The following DNAH9 variants were observed in gnomAD, a reference collection of about 807,000 sequenced individuals.
DNAH9 encodes the protein dynein axonemal heavy chain 9, also known as DNAH9 variant protein.
In DNAH9, 345 loss-of-function variants were observed where a neutral mutation model predicts 471.6. The ratio of observed to expected loss-of-function variants is 0.73; its 90% confidence interval spans 0.67 to 0.80. The LOEUF (loss-of-function observed/expected upper bound fraction) is 0.80, where lower values mean the gene tolerates loss of function less well. Ranked by LOEUF, DNAH9 falls within the 30% of genes least tolerant of loss-of-function variation. The pLI is 0.00. For synonymous variants in DNAH9, 2,093 were observed against 2,123.6 expected (o/e 0.99, Z 0.40); for missense variants, 5,407 against 5,609.2 (o/e 0.96, Z 1.15).
At chr17:11,944,592 G>A (rs1975049665) in intron 67 of DNAH9, among the ~76,000 whole-genome samples, 1 of 152,144 alleles carries the variant, frequency 6.6e-6, no homozygotes, top group South Asian at 2.1e-4. Flanking sequence ...AAAAGTAGCT[G>A]GGACCTTTGT....
At chr17:11,776,528 T>A (rs1002017689) in intron 38 of DNAH9, among the ~76,000 whole-genome samples, 1 of 152,144 alleles carries the variant, frequency 6.6e-6, no homozygotes, top group South Asian at 2.1e-4. Context: ...CCAGCACAGA[T>A]CTGATGATAG....
At chr17:11,870,313 A>G (rs1457343471) in intron 51 of DNAH9, among the ~76,000 whole-genome samples, 2 of 152,218 alleles carry the variant, frequency 1.3e-5, no homozygotes, top group Non-Finnish European at 2.9e-5. Flanking sequence ...CTCATCCCAT[A>G]TATCAGCTAA....
At position 11,744,880 on chromosome 17, in the gene DNAH9, T is replaced by G. The variant is rs1255084582; in HGVS notation, c.6195T>G (p.Pro2065=). The part of the protein sequence containing the change: ...GSLKRGDPDR[P]EDQVLMRSLR... ...TGAAGAGAGGAGACCCTGACCGGCC[T>G]GAGGACCAGGTCCTGATGCGCTCCT... The change falls in exon 31 of 69, where the codon CCT becomes CCG. Residue 2065 remains proline, a synonymous_variant. Transcript: ENST00000262442. The G allele has an allele frequency of 1.8e-5, 29 of 1,614,086 alleles. No homozygotes were observed. In the Admixed American group the frequency reaches 4.8e-4, roughly 27 times the overall value.
At chr17:11,890,347 C>T (rs1261580518) in intron 57 of DNAH9, among the ~76,000 whole-genome samples, 1 of 152,090 alleles carries the variant, frequency 6.6e-6, no homozygotes, top group Non-Finnish European at 1.5e-5. Context: ...TTGGGTTGAA[C>T]ATGGGCAGAA....
At chr17:11,957,072 G>A (rs1047273968) in intron 67 of DNAH9, among the ~76,000 whole-genome samples, 1 of 151,924 alleles carries the variant, frequency 6.6e-6, no homozygotes, top group Non-Finnish European at 1.5e-5. Context: ...AAATCAGGAT[G>A]GAAGGGGAGA....
intron 4 of DNAH9, among the ~76,000 whole-genome samples, chr17:11,613,199 G>C (rs921790392): frequency 5.3e-5 from 8 of 152,186 alleles, no homozygotes; most frequent in African/African-American, 1.9e-4. Context: ...GCTTTGCTGA[G>C]AGATTCTGTG....
At chr17:11,640,983 G>T (rs16945119) in intron 10 of DNAH9, among the ~76,000 whole-genome samples, 1 of 152,110 alleles carries the variant, frequency 6.6e-6, no homozygotes, top group Non-Finnish European at 1.5e-5. Flanking sequence ...GCTGCTAATT[G>T]TGATGTTGTG....
chr17:11,639,781 G>A (rs1240416660), intron 9 of DNAH9, among the ~76,000 whole-genome samples: 1 of 152,138 alleles, frequency 6.6e-6, no homozygotes, highest in African/African-American at 2.4e-5. Flanking sequence ...GGATTGAGGC[G>A]GGTGGATCAC....
intron 12 of DNAH9, among the ~76,000 whole-genome samples, chr17:11,647,554 G>T (rs1415930434): frequency 6.6e-6 from 1 of 152,062 alleles, no homozygotes; most frequent in African/African-American, 2.4e-5. Context: ...CTTCAATTTT[G>T]CACAACAGGA....
rs2150852436 is a variant in DNAH9 at position 11,752,815 on chromosome 17, G to A, written c.6611-18G>A. On this transcript the variant is annotated intron_variant, in intron 32 of 68. Coordinates refer to ENST00000262442, the MANE Select transcript of DNAH9 (RefSeq NM_001372.4). ...TTAATGAAGAAATGGAAAATAAGGT[G>A]TCAGTGGTTCCTTTTAGGATTGTTC... 6.5e-7 allele frequency: 1 copy of A among 1,538,672 alleles called. No homozygotes were observed. The highest frequency in any genetic ancestry group is 8.7e-7 in the Non-Finnish European group (1 of 1,143,076).
intron 48 of DNAH9, among the ~76,000 whole-genome samples, chr17:11,832,102 G>T (rs1469547407): frequency 6.6e-6 from 1 of 152,226 alleles, no homozygotes; most frequent in Non-Finnish European, 1.5e-5. Flanking sequence ...AGAAGAGAAA[G>T]ATGTAAAGTA....
chr17:11,781,283 C>A, intron 39 of DNAH9, 109 bp downstream of exon 39: 1 of 1,183,286 alleles, frequency 8.5e-7, no homozygotes, highest in Non-Finnish European at 1.1e-6. Flanking sequence ...AGCTCTGGTG[C>A]CAGATGGGAA....
At chr17:11,844,668 G>C (rs1267854878) in intron 49 of DNAH9, among the ~76,000 whole-genome samples, 2 of 152,106 alleles carry the variant, frequency 1.3e-5, no homozygotes, top group East Asian at 3.9e-4. Context: ...GCCTCCCAAA[G>C]TGCTTGGATT....
intron 26 of DNAH9, among the ~76,000 whole-genome samples, chr17:11,707,510 A>T (rs1245366430): frequency 1.3e-5 from 2 of 152,190 alleles, no homozygotes; most frequent in African/African-American, 4.8e-5. Flanking sequence ...CTCATAGCTG[A>T]AGCATGATGG....
At chr17:11,956,064 T>C (rs76642411) in intron 67 of DNAH9, among the ~76,000 whole-genome samples, 3,971 of 152,276 alleles carry the variant, frequency 0.026, 182 homozygotes, top group African/African-American at 0.09. Flanking sequence ...AGCTTGCCCA[T>C]TAACTCTTTC....
intron 17 of DNAH9, among the ~76,000 whole-genome samples, chr17:11,672,080 T>C (rs1258518704): frequency 6.6e-6 from 1 of 152,256 alleles, no homozygotes; most frequent in African/African-American, 2.4e-5. Flanking sequence ...TTGTCTCCTC[T>C]GTGCCATGTA....
intron 49 of DNAH9, among the ~76,000 whole-genome samples, chr17:11,843,890 T>TATATATATAC (rs1389217941): frequency 2.1e-3 from 271 of 127,150 alleles, no homozygotes; most frequent in South Asian, 5.2e-3. Flanking sequence ...TATATATATA[T>TATATATATAC]ACACATAGAG....
intron 29 of DNAH9, among the ~76,000 whole-genome samples, chr17:11,739,481 A>G (rs2075400622): frequency 6.6e-6 from 1 of 152,190 alleles, no homozygotes; most frequent in Admixed American, 6.5e-5. Flanking sequence ...GCTGTAATGT[A>G]CATCTTTGCA....
intron 50 of DNAH9, among the ~76,000 whole-genome samples, chr17:11,868,598 A>G (rs931200739): frequency 2.6e-5 from 4 of 152,020 alleles, no homozygotes; most frequent in Non-Finnish European, 1.5e-5. Context: ...TAGATTCCGG[A>G]CAGCCCAGCC....
Sources: allele counts gnomAD v4.1 joint callset (sites outside exome capture counted in the v4.1 genomes callset), GRCh38; gene constraint gnomAD v4.1.1; transcripts MANE v1.5; gene names NCBI Gene and HGNC (gene_info 2026-07-23, HGNC 2026-07-21).